Variants in NKAIN2 observed in about 807,000 individuals in gnomAD.
NKAIN2 encodes sodium/potassium transporting ATPase interacting 2, also known as sodium/potassium-transporting ATPase subunit beta-1-interacting protein 2.
NKAIN2 carries 14 observed loss-of-function variants against 32.6 expected under a neutral mutation model. That is an observed-to-expected ratio of 0.43 (90% CI 0.28 to 0.67). The LOEUF (loss-of-function observed/expected upper bound fraction) is 0.67, where lower values mean the gene tolerates loss of function less well. Among genes scored for constraint, NKAIN2 ranks in the 30% least tolerant of loss-of-function variants. NKAIN2 has a pLI of 0.17. For missense variants in NKAIN2, 198 were observed against 258.3 expected (o/e 0.77, Z 1.60); for synonymous variants, 80 against 87.2 (o/e 0.92, Z 0.46).
intron 4 of NKAIN2, among the ~76,000 whole-genome samples, chr6:124,746,548 T>C (rs1208722282): frequency 6.6e-6 from 1 of 151,890 alleles, no homozygotes; most frequent in African/African-American, 2.4e-5. Context: ...AAGAAGAGAA[T>C]GTCAAATTAT....
At chr6:124,238,926 CA>C (rs1484649111) in intron 1 of NKAIN2, among the ~76,000 whole-genome samples, 1 of 152,062 alleles carries the variant, frequency 6.6e-6, no homozygotes, top group Non-Finnish European at 1.5e-5. Flanking sequence ...TCACACATAA[CA>C]ATATTAACTT....
At chr6:124,520,602 A>G (rs1779084650) in intron 3 of NKAIN2, among the ~76,000 whole-genome samples, 1 of 152,238 alleles carries the variant, frequency 6.6e-6, no homozygotes, top group South Asian at 2.1e-4. Context: ...AAGAAGGCAC[A>G]TAAGAAAAGG....
chr6:123,925,388 A>G (rs1396513669), intron 1 of NKAIN2, among the ~76,000 whole-genome samples: 1 of 152,202 alleles, frequency 6.6e-6, no homozygotes, highest in African/African-American at 2.4e-5. Flanking sequence ...GCTATAAAAC[A>G]AAGTGGATTT....
rs565194266 is a variant in NKAIN2 at position 124,276,957 on chromosome 6, C to T, written c.55-6048C>T. On this transcript the variant is annotated intron_variant, in intron 1 of 6. Coordinates refer to ENST00000368417, the MANE Select transcript of NKAIN2 (RefSeq NM_001040214.3). ...GAGTAAACCTAGACATCAAGGTTAA[C>T]GCAAAATTAGCAGCTTTACCAAAGT... is the stretch of plus-strand genomic sequence containing the variant. Among the ~76,000 whole-genome samples, 14 of 152,192 alleles carry T rather than the reference C, an allele frequency of 9.2e-5. No homozygotes were observed. In the South Asian group the frequency reaches 1.9e-3, roughly 20 times the overall value.
chr6:124,782,988 C>T lies in NKAIN2; in HGVS notation c.475-8351C>T, dbSNP rs73571621. Among the ~76,000 whole-genome samples, 1,159 of 152,114 alleles carry T rather than the reference C, an allele frequency of 7.6e-3. 12 individuals carry two copies. Among genetic ancestry groups the T allele is most frequent in the African/African-American group, 0.025 (1,046 of 41,512 alleles). On this transcript the variant is annotated intron_variant, in intron 4 of 6. Transcript: ENST00000368417. ...TCCCCTATGGCTCTTATCTCTAAAC[C>T]GGAAGGCGATTTCATGGTAGTTCTA...
At chr6:124,741,417 C>T (rs900037582) in intron 4 of NKAIN2, among the ~76,000 whole-genome samples, 2 of 151,558 alleles carry the variant, frequency 1.3e-5, no homozygotes, top group Admixed American at 6.6e-5. Context: ...AATGGTTTTT[C>T]GATTTTATAG....
chr6:124,532,742 T>G (rs1779570311), intron 3 of NKAIN2, among the ~76,000 whole-genome samples: 1 of 152,202 alleles, frequency 6.6e-6, no homozygotes, highest in African/African-American at 2.4e-5. Context: ...TTCCTGTAAG[T>G]TGGAGACTAG....
In NKAIN2 at chr6:124,810,938, C is replaced by T. The variant is rs190705121; in HGVS notation, c.536-7449C>T. ...TCAGGAAAAAAAAAAAAAAAAAGCT[C>T]AGAGTCCCTCCAGGGATTTTAGCCC... On this transcript the variant is annotated intron_variant, in intron 5 of 6. Transcript: ENST00000368417. Among the ~76,000 whole-genome samples the T allele has an allele frequency of 3.0e-4, 45 of 149,544 alleles. No homozygotes were observed. The East Asian group carries it at 6.7e-3, about 22-fold the overall frequency.
At chr6:124,405,890 G>T (rs573718687) in intron 3 of NKAIN2, among the ~76,000 whole-genome samples, 1 of 152,232 alleles carries the variant, frequency 6.6e-6, no homozygotes, top group East Asian at 1.9e-4. Context: ...CTAGGGCTTT[G>T]AAATAAATAA....
intron 3 of NKAIN2, among the ~76,000 whole-genome samples, chr6:124,376,865 TA>T (rs760483842): frequency 6.6e-6 from 1 of 151,972 alleles, no homozygotes; most frequent in Non-Finnish European, 1.5e-5. Flanking sequence ...TCCTAATTCA[TA>T]AAAAAAAGAC....
chr6:123,865,811 TG>T (rs1454199313), intron 1 of NKAIN2, among the ~76,000 whole-genome samples: 1 of 151,836 alleles, frequency 6.6e-6, no homozygotes, highest in Non-Finnish European at 1.5e-5. Flanking sequence ...TTGAATATTG[TG>T]AAAACAAAAA....
At chr6:124,810,306 A>C (rs1308032084) in intron 5 of NKAIN2, among the ~76,000 whole-genome samples, 5 of 152,046 alleles carry the variant, frequency 3.3e-5, no homozygotes, top group Non-Finnish European at 7.4e-5. Flanking sequence ...TGCAGCCATA[A>C]AAAATGATGA....
At chr6:123,842,282 C>T (rs1774903364) in intron 1 of NKAIN2, among the ~76,000 whole-genome samples, 1 of 152,136 alleles carries the variant, frequency 6.6e-6, no homozygotes, top group African/African-American at 2.4e-5. Context: ...GCTGAGAAAT[C>T]CAAGATCAAA....
chr6:124,244,768 A>C (rs1291878424), intron 1 of NKAIN2, among the ~76,000 whole-genome samples: 4 of 152,072 alleles, frequency 2.6e-5, no homozygotes, highest in Non-Finnish European at 5.9e-5. Context: ...CAGGATACTT[A>C]ACTCTAAATA....
chr6:124,117,396 GT>G (rs1785666248), intron 1 of NKAIN2, among the ~76,000 whole-genome samples: 1 of 151,958 alleles, frequency 6.6e-6, no homozygotes, highest in Non-Finnish European at 1.5e-5. Context: ...AGGCAAAATG[GT>G]CAGCACAGGC....
intron 5 of NKAIN2, among the ~76,000 whole-genome samples, chr6:124,796,454 C>T (rs188447768): frequency 5.7e-4 from 87 of 152,284 alleles, no homozygotes; most frequent in East Asian, 1.7e-3. Context: ...TACACACACA[C>T]GCACACACAC....
At chr6:124,477,075 A>G (rs977272170) in intron 3 of NKAIN2, among the ~76,000 whole-genome samples, 1 of 152,084 alleles carries the variant, frequency 6.6e-6, no homozygotes, top group African/African-American at 2.4e-5. Context: ...CTCTGCATTA[A>G]TTTTTTCTGT....
chr6:123,991,726 G>T (rs1779420528), intron 1 of NKAIN2, among the ~76,000 whole-genome samples: 1 of 151,972 alleles, frequency 6.6e-6, no homozygotes, highest in African/African-American at 2.4e-5. Context: ...GCCAGGCATG[G>T]TGGTGGGCGC....
At chr6:124,391,666 TTGTCTTCTAAGA>T (rs1562150679) in intron 3 of NKAIN2, among the ~76,000 whole-genome samples, 1 of 152,140 alleles carries the variant, frequency 6.6e-6, no homozygotes, top group Non-Finnish European at 1.5e-5. Context: ...ATTTTTCAAG[TTGTCTTCTAAGA>T]TTCAGAGTTC....
Sources: allele counts gnomAD v4.1 joint callset (sites outside exome capture counted in the v4.1 genomes callset), GRCh38; gene constraint gnomAD v4.1.1; transcripts MANE v1.5; gene names NCBI Gene and HGNC (gene_info 2026-07-23, HGNC 2026-07-21).